Variants in RFX4 observed in about 807,000 individuals in gnomAD.
RFX4 encodes the protein transcription factor RFX4.
Under a neutral mutation model 95.0 loss-of-function variants are expected in RFX4, and 10 were observed. The observed-to-expected ratio is 0.11, with a 90% CI of 0.06 to 0.18. The LOEUF (loss-of-function observed/expected upper bound fraction) is 0.18. RFX4 is among the 10% of genes least tolerant of loss of function. RFX4 has a pLI of 1.00. For missense variants in RFX4, 640 were observed against 922.0 expected (o/e 0.69, Z 3.96); for synonymous variants, 321 against 340.7 (o/e 0.94, Z 0.64).
intron 17 of RFX4, among the ~76,000 whole-genome samples, chr12:106,752,703 T>C (rs565590461): frequency 6.6e-6 from 1 of 152,282 alleles, no homozygotes; most frequent in African/African-American, 2.4e-5. Flanking sequence ...CGAAGAATCC[T>C]CCTGAAATGG....
intron 2 of RFX4, among the ~76,000 whole-genome samples, chr12:106,636,042 G>T (rs1004524583): frequency 3.3e-5 from 5 of 152,118 alleles, no homozygotes; most frequent in African/African-American, 1.2e-4. Context: ...TAAGTGGAAG[G>T]CACTATGCTA....
intron 15 of RFX4, among the ~76,000 whole-genome samples, chr12:106,746,963 T>C (rs1211259768): frequency 2.6e-5 from 4 of 152,180 alleles, no homozygotes; most frequent in Admixed American, 1.3e-4. Context: ...TGGGAATCCA[T>C]TGGTGGCCAA....
intron 1 of RFX4, among the ~76,000 whole-genome samples, chr12:106,594,330 AG>A (rs920835654): frequency 6.6e-6 from 1 of 152,098 alleles, no homozygotes; most frequent in African/African-American, 2.4e-5. Flanking sequence ...GTTGTGAGAA[AG>A]GCTTTGGTCT....
intron 1 of RFX4, 193 bp downstream of exon 1, chr12:106,583,556 A>G (rs2039405183): frequency 2.0e-6 from 1 of 493,168 alleles, no homozygotes; most frequent in Non-Finnish European, 3.5e-6. Flanking sequence ...GTATGTGTAT[A>G]AGCGTGTGAT....
At chr12:106,651,339 A>G (rs2040853070) in intron 3 of RFX4, among the ~76,000 whole-genome samples, 1 of 152,158 alleles carries the variant, frequency 6.6e-6, no homozygotes, top group Non-Finnish European at 1.5e-5. Flanking sequence ...TCAGATTCCT[A>G]TCCTGAAACA....
chr12:106,613,076 TG>T (rs1279465340), intron 2 of RFX4, among the ~76,000 whole-genome samples: 1 of 151,876 alleles, frequency 6.6e-6, no homozygotes, highest in African/African-American at 2.4e-5. Flanking sequence ...TTTATTATGT[TG>T]AGGTAATGCT....
At position 106,611,839 on chromosome 12, in the gene RFX4, G is replaced by T. The variant is rs557598698; in HGVS notation, c.130+2956G>T. ...TCCAGCTTTATTCTTTCACATGTTGGTATCCAGGTTCCCCAGCACCATTTG... is the reference window on the plus strand; with the variant it reads ...TCCAGCTTTATTCTTTCACATGTTGTTATCCAGGTTCCCCAGCACCATTTG... On this transcript the variant is annotated intron_variant, in intron 2 of 17. Transcript: ENST00000392842. 2.0e-5 allele frequency among the ~76,000 whole-genome samples: 3 copies of T among 152,158 alleles called. No individual in the cohort carries two copies. The South Asian group carries it at 6.2e-4, about 32-fold the overall frequency.
intron 1 of RFX4, among the ~76,000 whole-genome samples, chr12:106,606,280 G>A (rs372423988): frequency 1.3e-5 from 2 of 151,804 alleles, no homozygotes; most frequent in Admixed American, 6.6e-5. Flanking sequence ...GTGTGTGTGT[G>A]AGAGTGACTG....
chr12:106,588,458 C>A (rs1241621580), intron 1 of RFX4, among the ~76,000 whole-genome samples: 3 of 152,146 alleles, frequency 2.0e-5, no homozygotes, highest in Non-Finnish European at 2.9e-5. Context: ...TACTAAAATG[C>A]GGCCATCAAA....
At chr12:106,703,003 G>T (rs1278427749) in intron 8 of RFX4, among the ~76,000 whole-genome samples, 1 of 152,164 alleles carries the variant, frequency 6.6e-6, no homozygotes, top group Non-Finnish European at 1.5e-5. Flanking sequence ...AACTTCTTTT[G>T]CATCTGTCAT....
At chr12:106,599,144 C>T (rs2039661988) in intron 1 of RFX4, among the ~76,000 whole-genome samples, 1 of 150,076 alleles carries the variant, frequency 6.7e-6, no homozygotes, top group African/African-American at 2.4e-5. Flanking sequence ...ATTTGTGCAT[C>T]GTTGGGAGTT....
At chr12:106,716,103 G>A (rs1282353353) in intron 11 of RFX4, among the ~76,000 whole-genome samples, 1 of 152,114 alleles carries the variant, frequency 6.6e-6, no homozygotes, top group African/African-American at 2.4e-5. Flanking sequence ...ATGTAGGCAG[G>A]ATGTTTGATC....
At chr12:106,597,815 G>T (rs1466162010) in intron 1 of RFX4, among the ~76,000 whole-genome samples, 5 of 152,120 alleles carry the variant, frequency 3.3e-5, no homozygotes, top group African/African-American at 1.2e-4. Context: ...AGCTATGATG[G>T]TGCCACTGCA....
chr12:106,720,693 T>C lies in RFX4; in HGVS notation c.1234-66T>C, dbSNP rs943305389. Reference sequence around the variant, plus strand: ...TGAGCCACTTCAACCGGCCTCATTTTTCAAAGAGACAGTAATAAATGAAAG... The same window carrying C: ...TGAGCCACTTCAACCGGCCTCATTTCTCAAAGAGACAGTAATAAATGAAAG... On this transcript the variant is annotated intron_variant, in intron 12 of 17. Transcript: ENST00000392842. The surrounding 1 kb of genome is among the most constrained non-coding windows in gnomAD (Gnocchi z 4.2). The C allele has an allele frequency of 4.7e-6, 7 of 1,505,192 alleles. No homozygotes were observed. In the Admixed American group the frequency reaches 6.7e-5, roughly 14 times the overall value. The allele number at this position is 1,505,192 out of a possible 1,614,324, so 93.2% of individuals were successfully genotyped here. A position where few individuals can be genotyped will look rare whatever the true frequency, so the allele number is the denominator to read the frequency against.
At chr12:106,639,495 T>G (rs748331935) in intron 3 of RFX4, 103 bp downstream of exon 3, 116 of 1,051,206 alleles carry the variant, frequency 1.1e-4, no homozygotes, top group Non-Finnish European at 1.5e-4. Context: ...TCCTGATAAC[T>G]TGACATTCCA....
rs147113794 is a variant in RFX4, at chr12:106,639,359, C to T, written c.158C>T (p.Ser53Phe). The T allele has an allele frequency of 1.4e-5, 23 of 1,613,724 alleles. No homozygotes were observed. The Middle Eastern group carries it at 6.6e-4, about 46-fold the overall frequency. The change falls in exon 3 of 18, where the codon TCC (serine) becomes TTC (phenylalanine). Residue 53 changes from serine (S) to phenylalanine (F), a missense_variant. Around this residue, in one of 7 missense-constraint regions of RFX4, gnomAD observed 63 missense variants for 68.8 expected, o/e 0.92. Coordinates refer to ENST00000392842, the MANE Select transcript of RFX4 (RefSeq NM_213594.3). ...ENEEKENNRA[S>F]KPHSTPATLQ... Reference sequence around the variant, plus strand: ...GAGGAAAAAGAAAATAATAGAGCATCCAAGCCCCACTCCACTCCTGCTACT... The same window carrying T: ...GAGGAAAAAGAAAATAATAGAGCATTCAAGCCCCACTCCACTCCTGCTACT...
At chr12:106,761,077 C>T in intron 17 of RFX4, 120 bp from the exon 18 acceptor site, 2 of 1,072,232 alleles carry the variant, frequency 1.9e-6, no homozygotes, top group Non-Finnish European at 2.7e-6. Flanking sequence ...GATTCTTCTC[C>T]ATCAACTCTC....
At chr12:106,653,895 A>G (rs1340002593) in intron 3 of RFX4, among the ~76,000 whole-genome samples, 1 of 152,212 alleles carries the variant, frequency 6.6e-6, no homozygotes, top group Non-Finnish European at 1.5e-5. Context: ...GGGCACCCAC[A>G]AGACCCTATG....
intron 11 of RFX4, among the ~76,000 whole-genome samples, chr12:106,718,929 T>G (rs2042343460): frequency 1.4e-5 from 2 of 138,948 alleles, no homozygotes; most frequent in African/African-American, 5.5e-5. Flanking sequence ...GCTAACACAG[T>G]GAAACCCCGT....
Sources: allele counts gnomAD v4.1 joint callset (sites outside exome capture counted in the v4.1 genomes callset), GRCh38; gene constraint gnomAD v4.1.1; regional missense constraint gnomAD v4.1.1; non-coding constraint Gnocchi (gnomAD v3.1); transcripts MANE v1.5; gene names NCBI Gene and HGNC (gene_info 2026-07-23, HGNC 2026-07-21).